Variants in FMN2 observed in about 807,000 individuals in gnomAD.
FMN2 encodes formin-2.
FMN2 carries 51 observed loss-of-function variants against 142.3 expected under a neutral mutation model. That is an observed-to-expected ratio of 0.36 (90% confidence interval 0.29 to 0.45). The LOEUF (loss-of-function observed/expected upper bound fraction) is 0.45, where lower values mean the gene tolerates loss of function less well. FMN2 is among the 20% of genes least tolerant of loss of function. FMN2 has a pLI of 1.00. For synonymous variants in FMN2, 882 were observed against 869.8 expected (o/e 1.01, Z -0.25); for missense variants, 1,936 against 2,122.8 (o/e 0.91, Z 1.73).
At chr1:240,171,807 T>A (rs997185242) in intron 2 of FMN2, among the ~76,000 whole-genome samples, 6 of 152,246 alleles carry the variant, frequency 3.9e-5, no homozygotes, top group African/African-American at 1.4e-4. Flanking sequence ...GTAACTTTTC[T>A]CTTTCTTAAG....
At chr1:240,128,998 T>A (rs6679831) in intron 2 of FMN2, among the ~76,000 whole-genome samples, 10 of 152,000 alleles carry the variant, frequency 6.6e-5, no homozygotes, top group African/African-American at 2.4e-4. Context: ...CTCAGCCTCC[T>A]AAGTAGCTGG....
In FMN2 at chr1:240,207,661, GAGC is replaced by G. The variant is rs781125727; in HGVS notation, c.2850_2852del (p.Ala952del). The G allele has an allele frequency of 8.1e-6, 12 of 1,482,952 alleles. No individual in the cohort carries two copies. The highest frequency in any genetic ancestry group is 1.2e-5 in the South Asian group (1 of 84,412). The allele number at this position is 1,482,952 out of a possible 1,614,324, so 91.9% of individuals were successfully genotyped here. ...ATACCTCCTCCGCCCCCTCTACCCGGAGCGGCAATACCCCCTCCGCCCCCTCTT... is the reference window on the plus strand; with the variant it reads ...ATACCTCCTCCGCCCCCTCTACCCGGGGCAATACCCCCTCCGCCCCCTCTT... On this transcript the variant is annotated inframe_deletion, in exon 5 of 18. Transcript: ENST00000319653.
intron 16 of FMN2, among the ~76,000 whole-genome samples, chr1:240,453,505 A>G (rs1028122084): frequency 7.3e-5 from 11 of 150,342 alleles, no homozygotes; most frequent in Non-Finnish European, 1.6e-4. Context: ...ACAGGTGCTG[A>G]CTATTAAAAT....
chr1:240,159,992 CACACACAT>C (rs1340102519), intron 2 of FMN2, among the ~76,000 whole-genome samples: 29 of 146,550 alleles, frequency 2.0e-4, no homozygotes, highest in African/African-American at 7.2e-4. Flanking sequence ...CACACACACA[CACACACAT>C]ACACACATAT....
At chr1:240,170,296 G>T in intron 2 of FMN2, 1 of 1,095,864 alleles carries the variant, frequency 9.1e-7, no homozygotes, top group Non-Finnish European at 1.4e-6. Context: ...CATTGCCACT[G>T]CAGTTTGCCA....
chr1:240,189,329 A>G (rs1201117996), intron 4 of FMN2, among the ~76,000 whole-genome samples: 1 of 152,200 alleles, frequency 6.6e-6, no homozygotes, highest in Non-Finnish European at 1.5e-5. Flanking sequence ...TGAACAGTAA[A>G]AAGATGTGTT....
chr1:240,309,775 A>G (rs1359841926), intron 8 of FMN2, among the ~76,000 whole-genome samples: 10 of 152,086 alleles, frequency 6.6e-5, no homozygotes, highest in Admixed American at 1.3e-4. Context: ...CCAGTCCGTT[A>G]TCTCGGATTC....
chr1:240,430,911 G>T (rs528362083), intron 15 of FMN2, among the ~76,000 whole-genome samples: 2 of 145,948 alleles, frequency 1.4e-5, no homozygotes, highest in South Asian at 2.1e-4. Flanking sequence ...TTTTAAAAAT[G>T]TATTTCTTTT....
chr1:240,423,395 C>G (rs1414660), intron 15 of FMN2, among the ~76,000 whole-genome samples: 1 of 152,000 alleles, frequency 6.6e-6, no homozygotes. Flanking sequence ...AAATCCAACA[C>G]TGCACAATAA....
At chr1:240,144,810 T>C in intron 2 of FMN2, 1 of 1,433,082 alleles carries the variant, frequency 7.0e-7, no homozygotes, top group Non-Finnish European at 9.8e-7. Flanking sequence ...ACGATTTCCT[T>C]CACCAGAGTG....
chr1:240,092,477 T>G lies in FMN2; in HGVS notation c.368T>G (p.Leu123Arg). 6.2e-7 allele frequency: 1 copy of G among 1,608,390 alleles called. No homozygotes were observed. Among genetic ancestry groups the G allele is most frequent in the Non-Finnish European group, 8.5e-7 (1 of 1,177,486 alleles). The change falls in exon 1 of 18, where the codon CTC (leucine) becomes CGC (arginine). Residue 123 changes from leucine (L) to arginine (R), a missense_variant. This residue lies in a region of FMN2 where 751 missense variants were observed against 791.8 expected (regional missense o/e 0.95). Transcript: ENST00000319653. ...CTCACCAAGACTCCAGACCTCAGCC[T>G]CTCGGCGGACGAGGCCGGCCTGTCG... is the stretch of plus-strand genomic sequence containing the variant. ...SLLTKTPDLS[L>R]SADEAGLSDT...
intron 6 of FMN2, among the ~76,000 whole-genome samples, chr1:240,226,492 G>A (rs1433964733): frequency 1.3e-5 from 2 of 152,182 alleles, no homozygotes; most frequent in Non-Finnish European, 2.9e-5. Context: ...AAAACTGAGA[G>A]AATTTGTTGC....
intron 6 of FMN2, among the ~76,000 whole-genome samples, chr1:240,241,825 C>CTTCTTTTTTTTTTTTTTTTTTTTT (rs1667908718): frequency 9.4e-5 from 9 of 96,202 alleles, no homozygotes; most frequent in East Asian, 3.2e-4. Context: ...GTGTGCCTTG[C>CTTCTTTTTTTTTTTTTTTTTTTTT]TTTTTTTTTT....
chr1:240,193,343 C>T (rs1652417632), intron 4 of FMN2, among the ~76,000 whole-genome samples: 1 of 152,080 alleles, frequency 6.6e-6, no homozygotes, highest in Non-Finnish European at 1.5e-5. Context: ...TATTAAGAAG[C>T]AGACAGTTAG....
rs749317785 is a variant in FMN2, at chr1:240,391,892, C to T, written c.4859-619C>T. Among the ~76,000 whole-genome samples, 5 of 151,562 alleles carry T rather than the reference C, an allele frequency of 3.3e-5. No homozygotes were observed. In the South Asian group the frequency reaches 6.2e-4, roughly 19 times the overall value. On this transcript the variant is annotated intron_variant, in intron 14 of 17. Coordinates refer to ENST00000319653, the MANE Select transcript of FMN2 (RefSeq NM_020066.5). ...AGTTCTTATGTTATTTTAAGCAGTT[C>T]GAAATACTGATTTAATCTCCTTAAA...
chr1:240,271,099 T>TTTTTTTTTTTTTG (rs1558404253), intron 7 of FMN2, among the ~76,000 whole-genome samples: 5 of 47,586 alleles, frequency 1.1e-4, no homozygotes, highest in African/African-American at 4.7e-4. Context: ...TCCACGATGG[T>TTTTTTTTTTTTTG]TTTTTTTTTT....
intron 14 of FMN2, among the ~76,000 whole-genome samples, chr1:240,376,237 G>A (rs1673038347): frequency 6.6e-6 from 1 of 151,982 alleles, no homozygotes; most frequent in Admixed American, 6.6e-5. Context: ...TCTTTTCCTA[G>A]AGAGCATAAA....
intron 1 of FMN2, among the ~76,000 whole-genome samples, chr1:240,101,703 T>C (rs1226335905): frequency 2.0e-5 from 3 of 150,128 alleles, no homozygotes. Flanking sequence ...CCACTATGCC[T>C]GGCTAATTTT....
chr1:240,285,161 G>A (rs1197709262), intron 7 of FMN2: 9 of 450,776 alleles, frequency 2.0e-5, no homozygotes, highest in Admixed American at 1.2e-4. Context: ...GGCAATAATC[G>A]GGAATGTCTG....
Sources: gnomAD v4.1 joint callset for allele counts (sites outside exome capture counted in the v4.1 genomes callset) on GRCh38, gnomAD v4.1.1 for gene constraint, gnomAD v4.1.1 regional missense constraint, MANE v1.5 for transcripts, NCBI Gene and HGNC (gene_info 2026-07-23, HGNC 2026-07-21) for gene names.